The following PCSK6 variants were observed in gnomAD, a reference collection of about 807,000 sequenced individuals.
The protein encoded by PCSK6 is paired basic amino acid cleaving enzyme 4.
In PCSK6, 85 loss-of-function variants were observed where a neutral mutation model predicts 123.3. The ratio of observed to expected loss-of-function variants is 0.69; its 90% CI spans 0.58 to 0.83. PCSK6 has a LOEUF of 0.83. Among genes scored for constraint, PCSK6 ranks in the 40% least tolerant of loss-of-function variants. The pLI is 0.00. For missense variants in PCSK6, 1,191 were observed against 1,282.3 expected, an observed-to-expected ratio of 0.93 and a Z score of 1.09; for synonymous variants, 508 against 516.0, an observed-to-expected ratio of 0.98 and a Z score of 0.21.
At position 101,476,310 on chromosome 15, in the gene PCSK6, G is replaced by C. The variant is rs186632590; in HGVS notation, c.297+13064C>G. Reference sequence around the variant, plus strand: ...TCCTACAGAAATTCTCACAAGTGCAGAGTCATGAATAAGGATAACCACTGC... The same window carrying C: ...TCCTACAGAAATTCTCACAAGTGCACAGTCATGAATAAGGATAACCACTGC... On this transcript the variant is annotated intron_variant, in intron 1 of 21. Coordinates refer to ENST00000611716, the MANE Select transcript of PCSK6 (RefSeq NM_002570.5). Among the ~76,000 whole-genome samples the C allele has an allele frequency of 2.6e-4, 40 of 152,244 alleles. No individual in the cohort carries two copies. The South Asian group carries it at 3.9e-3, about 15-fold the overall frequency.
intron 13 of PCSK6, among the ~76,000 whole-genome samples, chr15:101,338,128 A>G (rs2040524514): frequency 1.3e-5 from 2 of 152,142 alleles, no homozygotes; most frequent in Admixed American, 6.5e-5. Context: ...TTGACTGCAA[A>G]ATACCCAGGC....
intron 6 of PCSK6, among the ~76,000 whole-genome samples, chr15:101,399,694 G>A (rs1004043560): frequency 6.6e-6 from 1 of 152,090 alleles, no homozygotes; most frequent in African/African-American, 2.4e-5. Flanking sequence ...GGGTAATGAC[G>A]GCCATGGACA....
At chr15:101,433,587 G>A (rs923893191) in intron 2 of PCSK6, among the ~76,000 whole-genome samples, 7 of 152,226 alleles carry the variant, frequency 4.6e-5, no homozygotes, top group African/African-American at 1.7e-4. Flanking sequence ...AGGCTGCCTG[G>A]AGGAGGCAGC....
Position 101,350,258 on chromosome 15 carries a change from T to C in PCSK6, c.1858+15938A>G, listed in dbSNP as rs1219874910. 2.6e-5 allele frequency among the ~76,000 whole-genome samples: 4 copies of C among 152,338 alleles called. No homozygotes were observed. In the East Asian group the frequency reaches 7.7e-4, roughly 29 times the overall value. On this transcript the variant is annotated intron_variant, in intron 13 of 21. Coordinates refer to ENST00000611716, the MANE Select transcript of PCSK6 (RefSeq NM_002570.5). The stretch of plus-strand genomic sequence containing the variant: ...CAAATGTTGACTATCTTGTGTTTAC[T>C]GGTTATTTGTATGTTTTCTTTACGA...
intron 20 of PCSK6, among the ~76,000 whole-genome samples, chr15:101,311,687 C>A (rs1452140241): frequency 4.1e-4 from 23 of 56,176 alleles, no homozygotes; most frequent in African/African-American, 9.1e-4. Context: ...CCATCGTCAC[C>A]CCTCACAGCC....
intron 6 of PCSK6, among the ~76,000 whole-genome samples, chr15:101,411,586 G>A (rs1316208898): frequency 6.6e-6 from 1 of 152,050 alleles, no homozygotes; most frequent in Non-Finnish European, 1.5e-5. Context: ...CAAGAAAGAG[G>A]GGCACCCAAT....
intron 1 of PCSK6, among the ~76,000 whole-genome samples, chr15:101,468,443 C>T (rs6598481): frequency 0.19 from 29,434 of 152,186 alleles, 3,011 homozygotes; most frequent in East Asian, 0.24. Flanking sequence ...AATTGGGTGA[C>T]ATCCAGCATA....
intron 13 of PCSK6, among the ~76,000 whole-genome samples, chr15:101,342,512 G>A (rs554212963): frequency 6.6e-6 from 1 of 152,326 alleles, no homozygotes; most frequent in Non-Finnish European, 1.5e-5. Context: ...TAGTTTTCTT[G>A]ATATTGGGCT....
At chr15:101,451,071 G>C in intron 1 of PCSK6, among the ~76,000 whole-genome samples, 1 of 151,800 alleles carries the variant, frequency 6.6e-6, no homozygotes, top group Admixed American at 6.6e-5. Flanking sequence ...TTTACAGAAA[G>C]GGCCTCCCCC....
chr15:101,385,053 G>A (rs1183675248), intron 9 of PCSK6, among the ~76,000 whole-genome samples: 1 of 152,180 alleles, frequency 6.6e-6, no homozygotes, highest in African/African-American at 2.4e-5. Flanking sequence ...GTCTCGCCCT[G>A]TTGCCCAGGC....
chr15:101,396,040 G>A (rs2042402927), intron 7 of PCSK6, among the ~76,000 whole-genome samples: 1 of 152,144 alleles, frequency 6.6e-6, no homozygotes, highest in African/African-American at 2.4e-5. Context: ...AAAGCAGATG[G>A]GGGAATGTGG....
At chr15:101,365,257 G>A (rs1361090296) in intron 13 of PCSK6, among the ~76,000 whole-genome samples, 2 of 152,130 alleles carry the variant, frequency 1.3e-5, no homozygotes, top group Non-Finnish European at 2.9e-5. Context: ...ATGACACCAA[G>A]AGCACAAGCA....
intron 9 of PCSK6, among the ~76,000 whole-genome samples, chr15:101,385,607 G>C (rs892874214): frequency 1.3e-5 from 2 of 152,276 alleles, no homozygotes; most frequent in Non-Finnish European, 2.9e-5. Context: ...ATGGCATCTT[G>C]GATTCGATGA....
At chr15:101,478,045 TAGAA>T (rs1395222166) in intron 1 of PCSK6, among the ~76,000 whole-genome samples, 7 of 152,248 alleles carry the variant, frequency 4.6e-5, no homozygotes, top group Admixed American at 2.0e-4. Flanking sequence ...CCTAGCCACT[TAGAA>T]AGCCCCAAGC....
chr15:101,386,616 C>CT (rs1383338624), intron 9 of PCSK6, among the ~76,000 whole-genome samples: 1 of 152,226 alleles, frequency 6.6e-6, no homozygotes, highest in Non-Finnish European at 1.5e-5. Context: ...CAGGATTTGT[C>CT]TTATTTCCCT....
At chr15:101,415,219 ACTT>A (rs2055845837) in intron 6 of PCSK6, among the ~76,000 whole-genome samples, 1 of 152,262 alleles carries the variant, frequency 6.6e-6, no homozygotes, top group African/African-American at 2.4e-5. Context: ...AGACTCCAGA[ACTT>A]CTGAATGAAC....
intron 1 of PCSK6, among the ~76,000 whole-genome samples, chr15:101,447,066 C>A (rs540440804): frequency 2.6e-5 from 4 of 152,298 alleles, no homozygotes; most frequent in Admixed American, 2.0e-4. Context: ...CTCGTCGGCC[C>A]GGATGATGCT....
At chr15:101,476,607 C>A (rs1448386544) in intron 1 of PCSK6, among the ~76,000 whole-genome samples, 1 of 150,008 alleles carries the variant, frequency 6.7e-6, no homozygotes, top group African/African-American at 2.5e-5. Flanking sequence ...TGTATATGCG[C>A]ACGTATCTGT....
intron 13 of PCSK6, chr15:101,347,820 T>C: frequency 6.5e-7 from 1 of 1,538,304 alleles, no homozygotes; most frequent in Non-Finnish European, 9.0e-7. Context: ...GGCTGAAGCT[T>C]TATTGGGAGG....
Sources: gnomAD v4.1 joint callset for allele counts (sites outside exome capture counted in the v4.1 genomes callset) on GRCh38, gnomAD v4.1.1 for gene constraint, MANE v1.5 for transcripts, NCBI Gene and HGNC (gene_info 2026-07-23, HGNC 2026-07-21) for gene names.